NOTCH1: variants seen among roughly 807,000 people sequenced by gnomAD.
The protein encoded by NOTCH1 is neurogenic locus notch homolog protein 1.
A neutral mutation model predicts 254.8 loss-of-function variants in NOTCH1; 37 were observed. The observed-to-expected ratio is 0.15, with a 90% CI of 0.11 to 0.19. The LOEUF (loss-of-function observed/expected upper bound fraction) is 0.19. Ranked by LOEUF, NOTCH1 falls within the 10% of genes least tolerant of loss-of-function variation. The pLI is 1.00. For missense variants in NOTCH1, 2,972 were observed against 3,708.6 expected (o/e 0.80, Z 5.16); for synonymous variants, 1,731 against 1,618.1 (o/e 1.07, Z -1.68).
At position 136,540,775 on chromosome 9, in the gene NOTCH1, G is replaced by A. The variant is rs1245630444; in HGVS notation, c.140+3249C>T. Among the ~76,000 whole-genome samples, 1 of 152,172 alleles carries A rather than the reference G, an allele frequency of 6.6e-6. No homozygotes were observed. Among genetic ancestry groups the A allele is most frequent in the Non-Finnish European group, 1.5e-5 (1 of 68,032 alleles). On this transcript the variant is annotated intron_variant, in intron 2 of 33. Coordinates refer to ENST00000651671, the MANE Select transcript of NOTCH1 (RefSeq NM_017617.5). This position sits in a 1 kb window ranked among gnomAD's most constrained non-coding sequence, Gnocchi z 4.4. Reference sequence around the variant, plus strand: ...GGACATCCTCCTGGAGGTGCTGGGTGTGACAGCCTACCCCCATTTCTCCCA... The same window carrying A: ...GGACATCCTCCTGGAGGTGCTGGGTATGACAGCCTACCCCCATTTCTCCCA...
chr9:136,519,867 C>A (rs772997905), intron 4 of NOTCH1, among the ~76,000 whole-genome samples: 1 of 152,250 alleles, frequency 6.6e-6, no homozygotes, highest in Non-Finnish European at 1.5e-5. Context: ...ACCTGGGTGC[C>A]GCCTGCATGC....
chr9:136,498,922 T>C lies in NOTCH1; in HGVS notation c.6157A>G (p.Asn2053Asp). 1 of 1,613,752 alleles carries C rather than the reference T, an allele frequency of 6.2e-7. No homozygotes were observed. Among genetic ancestry groups the C allele is most frequent in the Non-Finnish European group, 8.5e-7 (1 of 1,179,998 alleles). The change falls in exon 33 of 34, where the codon AAC becomes GAC. Residue 2053 changes from asparagine to aspartate, a missense_variant. Asn to Asp is a conservative substitution (Grantham distance 23). Transcript: ENST00000651671. Reference sequence around the variant, plus strand: ...ACCCTGTTGTTCTGCATATCTTTGTTAGCCCCGTTCTTCAGGAGCACAACT... The same window carrying C: ...ACCCTGTTGTTCTGCATATCTTTGTCAGCCCCGTTCTTCAGGAGCACAACT... ...AAVVLLKNGA[N>D]KDMQNNREET...
rs774772710 is a variant in NOTCH1, at chr9:136,496,959, C to T, written c.6780G>A (p.Gly2260=). The change falls in exon 34 of 34, where the codon GGG becomes GGA. Residue 2260 remains glycine (G), a synonymous_variant. Transcript: ENST00000651671. ...CAGTCTCAAAGGCCAGCCGGCCGCC[C>T]CCACCCAGCGCCGCCATCTCGGGCT... ...AAKPEMAALG[G]GGRLAFETGP... is the part of the protein sequence containing the mutation. 1.2e-6 allele frequency: 2 copies of T among 1,611,020 alleles called. No individual in the cohort carries two copies. The highest frequency in any genetic ancestry group is 1.7e-6 in the Non-Finnish European group (2 of 1,179,372).
rs777019253 is a variant in NOTCH1 at position 136,522,920 on chromosome 9, G to A, written c.672C>T (p.Pro224=). The A allele has an allele frequency of 2.1e-5, 33 of 1,547,598 alleles. No homozygotes were observed. Among genetic ancestry groups the A allele is most frequent in the Non-Finnish European group, 2.9e-5 (33 of 1,144,800 alleles). ...AGGTGCCCCCGTTCTGGCAGGGCGA[G>A]GGGCTGCAGGGCACGTAGGGCCGCT... is the stretch of plus-strand genomic sequence containing the variant. ...NCERPYVPCS[P]SPCQNGGTCR... Residue 224 remains proline, a synonymous_variant, in exon 4 of 34, where the codon CCC becomes CCT. Coordinates refer to ENST00000651671, the MANE Select transcript of NOTCH1 (RefSeq NM_017617.5).
chr9:136,498,619 A>G (rs1391055617), intron 33 of NOTCH1, among the ~76,000 whole-genome samples: 2 of 152,062 alleles, frequency 1.3e-5, no homozygotes, highest in Non-Finnish European at 2.9e-5. Context: ...GTGCCCCGCC[A>G]TGACTGCCGC....
rs1843804673 is a variant in NOTCH1 at position 136,545,651 on chromosome 9, GGC to G, written c.61+73_61+74del. ...CCCCGCCGCCCGCTCCCAGCCGTGG[GGC>G]GCGCGCGCCGGGCGCCGCCAAAGTT... is the stretch of plus-strand genomic sequence containing the variant. On this transcript the variant is annotated intron_variant, in intron 1 of 33. Coordinates refer to ENST00000651671, the MANE Select transcript of NOTCH1 (RefSeq NM_017617.5). This position sits in a 1 kb window ranked among gnomAD's most constrained non-coding sequence, Gnocchi z 6.8. 10 of 1,261,974 alleles carry G rather than the reference GGC, an allele frequency of 7.9e-6. No individual in the cohort carries two copies. Among genetic ancestry groups the G allele is most frequent in the Admixed American group, 2.9e-5 (1 of 34,552 alleles). 78.2% of individuals were successfully genotyped at this position (1,261,974 alleles called of 1,614,324 possible).
chr9:136,529,736 G>T (rs1277460449), intron 2 of NOTCH1, among the ~76,000 whole-genome samples: 1 of 152,264 alleles, frequency 6.6e-6, no homozygotes, highest in Non-Finnish European at 1.5e-5. Context: ...CCCTGCAGCC[G>T]CTGGGTCTTT....
In NOTCH1 at chr9:136,499,125, G is replaced by A. The variant is rs375920679; in HGVS notation, c.6069C>T (p.Ala2023=). 47 of 1,613,042 alleles carry A rather than the reference G, an allele frequency of 2.9e-5. No homozygotes were observed. The highest frequency in any genetic ancestry group is 1.3e-4 in the Admixed American group (8 of 60,012). The change falls in exon 32 of 34, where the codon GCC becomes GCT. Residue 2023 remains alanine (A), a synonymous_variant. Transcript: ENST00000651671. ...CCGTGGGCTCACCCAGGTCATCTAC[G>A]GCGTTGACGTCGGCGTGTGAGTTGA... ...DLINSHADVN[A]VDDLGKSALH...
At position 136,544,082 on chromosome 9, in the gene NOTCH1, C is replaced by T. The variant is rs1388609508; in HGVS notation, c.82G>A (p.Gly28Ser). 6 of 1,579,070 alleles carry T rather than the reference C, an allele frequency of 3.8e-6. No homozygotes were observed. Among genetic ancestry groups the T allele is most frequent in the African/African-American group, 2.7e-5 (2 of 74,252 alleles). Residue 28 changes from glycine (G) to serine (S), a missense_variant, in exon 2 of 34, where the codon GGT (glycine) becomes AGT (serine). By Grantham distance (56) the Gly-to-Ser change is moderately conservative (BLOSUM62 0). Transcript: ENST00000651671. Reference protein sequence around the residue: ...AARGPRCSQPGETCLNGGKCE... With the variant: ...AARGPRCSQPSETCLNGGKCE... ...TTCCCGCCATTCAGGCAGGTCTCAC[C>T]GGGCTGGGAGCATCGCGGGCCTAGG...
intron 4 of NOTCH1, 56 bp downstream of exon 4, chr9:136,522,794 C>G (rs2133377140): frequency 1.4e-6 from 2 of 1,430,392 alleles, no homozygotes; most frequent in Non-Finnish European, 1.8e-6. Context: ...GTTCCCACCC[C>G]CTGGGCCTGG....
intron 8 of NOTCH1, 62 bp downstream of exon 8, chr9:136,517,690 G>A (rs2133367988): frequency 6.3e-7 from 1 of 1,590,728 alleles, no homozygotes; most frequent in Non-Finnish European, 8.6e-7. Context: ...TGTTCCCGGG[G>A]CTGCCCCTCC....
chr9:136,517,175 G>A, intron 9 of NOTCH1, 97 bp downstream of exon 9: 1 of 772,056 alleles, frequency 1.3e-6, no homozygotes, highest in African/African-American at 1.8e-5. Flanking sequence ...CCGGGGTGCA[G>A]ATGGCCCGGG....
intron 22 of NOTCH1, 57 bp from the exon 23 acceptor site, chr9:136,507,030 C>T (rs540732418): frequency 6.3e-7 from 1 of 1,576,608 alleles, no homozygotes; most frequent in Non-Finnish European, 8.6e-7. Flanking sequence ...CCCTGCCGTG[C>T]CGCGTGTCCG....
intron 19 of NOTCH1, 106 bp from the exon 20 acceptor site, chr9:136,508,491 A>G: frequency 6.6e-7 from 1 of 1,526,110 alleles, no homozygotes; most frequent in Non-Finnish European, 9.0e-7. Flanking sequence ...GCTGCAACCC[A>G]TTCTACAGAA....
rs1474672848 is a variant in NOTCH1 at position 136,535,992 on chromosome 9, G to C, written c.140+8032C>G. 2.9e-5 allele frequency among the ~76,000 whole-genome samples: 4 copies of C among 136,210 alleles called. No individual in the cohort carries two copies. In the Admixed American group the frequency reaches 3.0e-4, roughly 10 times the overall value. The allele number at this position is 136,210 out of a possible 152,430, so 89.4% of individuals were successfully genotyped here. On this transcript the variant is annotated intron_variant, in intron 2 of 33. Transcript: ENST00000651671. ...TGGGGCAATGGGTGCATGGTGGGTG[G>C]GGGGGAGCACTCAGGATCCCTCCCA... is the stretch of plus-strand genomic sequence containing the variant.
rs1294572017 is a variant in NOTCH1, at chr9:136,513,773, A to G, written c.2208-236T>C. The stretch of plus-strand genomic sequence containing the variant: ...CAGGAGTTCAAGATCAGCCTGGCCA[A>G]CATGGCGAAACTCCCCCACCCCATA... On this transcript the variant is annotated intron_variant, in intron 13 of 33. Transcript: ENST00000651671. The surrounding 1 kb of genome is among the most constrained non-coding windows in gnomAD (Gnocchi z 4.7). Among the ~76,000 whole-genome samples, 1 of 152,190 alleles carries G rather than the reference A, an allele frequency of 6.6e-6. No homozygotes were observed. The highest frequency in any genetic ancestry group is 1.5e-5 in the Non-Finnish European group (1 of 68,022).
intron 2 of NOTCH1, among the ~76,000 whole-genome samples, chr9:136,530,861 G>A (rs1589077097): frequency 6.6e-6 from 1 of 152,308 alleles, no homozygotes; most frequent in South Asian, 2.1e-4. Context: ...CAGGCCCACA[G>A]CAGCGCTGCT....
chr9:136,536,281 G>C (rs1219059514), intron 2 of NOTCH1, among the ~76,000 whole-genome samples: 2 of 152,182 alleles, frequency 1.3e-5, no homozygotes, highest in South Asian at 2.1e-4. Flanking sequence ...CCCTGCAGGG[G>C]ACATGGCGCT....
Position 136,518,693 on chromosome 9 carries a change from T to C in NOTCH1, c.997A>G (p.Ser333Gly), listed in dbSNP as rs895972070. The C allele has an allele frequency of 6.2e-7, 1 of 1,612,820 alleles. No homozygotes were observed. Among genetic ancestry groups the C allele is most frequent in the African/African-American group, 1.3e-5 (1 of 75,054 alleles). Residue 333 changes from serine to glycine, a missense_variant, in exon 6 of 34, where the codon AGC becomes GGC. Physicochemically the swap from Ser to Gly is moderately conservative, Grantham distance 56. Transcript: ENST00000651671. ...CVNGWTGEDC[S>G]ENIDDCASAA... ...CTGGCACAGTCATCAATGTTCTCGC[T>C]GCAGTCCTCACCAGTCCAGCCGTTG...
Sources: allele counts gnomAD v4.1 joint callset (sites outside exome capture counted in the v4.1 genomes callset), GRCh38; gene constraint gnomAD v4.1.1; non-coding constraint Gnocchi (gnomAD v3.1); transcripts MANE v1.5; gene names NCBI Gene and HGNC (gene_info 2026-07-23, HGNC 2026-07-21).